The following MTCL2 variants were observed in gnomAD, a reference collection of about 807,000 sequenced individuals.
MTCL2 encodes the protein microtubule cross-linking factor 2.
chr20:36,785,736 G>C, the MTCL2 span: 1 of 985,462 alleles, frequency 1.0e-6, no homozygotes, highest in Non-Finnish European at 1.2e-6. Context: ...GGGAACGTTG[G>C]GGCCCCAAGT....
chr20:36,805,828 G>C, the MTCL2 span: 1 of 1,572,678 alleles, frequency 6.4e-7, no homozygotes, highest in Non-Finnish European at 8.6e-7. Context: ...GACACAACAG[G>C]ACCGGGAAGG....
the MTCL2 span, chr20:36,810,193 TA>T: frequency 6.8e-7 from 1 of 1,468,030 alleles, no homozygotes. Flanking sequence ...ATGACAGTGG[TA>T]GGGGAACGAT....
At chr20:36,803,882 G>A in the MTCL2 span, among the ~76,000 whole-genome samples, 22 of 150,744 alleles carry the variant, frequency 1.5e-4, no homozygotes, top group South Asian at 3.8e-3. Context: ...TCTTGAACCC[G>A]GGAGGCGGAG....
chr20:36,802,929 A>C, the MTCL2 span: 2 of 1,574,240 alleles, frequency 1.3e-6, no homozygotes, highest in South Asian at 1.2e-5. Context: ...CCGCTCCACC[A>C]GCTGCAGCTT....
At chr20:36,849,259 G>A in the MTCL2 span, among the ~76,000 whole-genome samples, 2 of 151,192 alleles carry the variant, frequency 1.3e-5, no homozygotes, top group Non-Finnish European at 2.9e-5. Flanking sequence ...ACGGGGTTTC[G>A]CCTCGTTAGA....
At chr20:36,794,705 A>C in the MTCL2 span, 1 of 1,432,422 alleles carries the variant, frequency 7.0e-7, no homozygotes, top group African/African-American at 1.4e-5. The surrounding 1 kb of genome is among the most constrained non-coding windows in gnomAD (Gnocchi z 5.4). Flanking sequence ...AAAGACCAGG[A>C]CCGTCTTGTT....
the MTCL2 span, among the ~76,000 whole-genome samples, chr20:36,824,702 G>A: frequency 1.3e-5 from 2 of 151,662 alleles, no homozygotes; most frequent in Non-Finnish European, 2.9e-5. Flanking sequence ...ACCCAGGCTG[G>A]AGTACACTGG....
At chr20:36,841,531 C>A in the MTCL2 span, among the ~76,000 whole-genome samples, 3 of 151,944 alleles carry the variant, frequency 2.0e-5, no homozygotes, top group Non-Finnish European at 4.4e-5. Flanking sequence ...TTATTCCAGG[C>A]AGAGGGAACA....
chr20:36,784,349 G>A, the MTCL2 span: 1 of 985,982 alleles, frequency 1.0e-6, no homozygotes, highest in African/African-American at 1.7e-5. Flanking sequence ...GCATGACCCT[G>A]GTGTTCAGCC....
chr20:36,853,974 C>T, the MTCL2 span, among the ~76,000 whole-genome samples: 1 of 152,312 alleles, frequency 6.6e-6, no homozygotes, highest in Non-Finnish European at 1.5e-5. Flanking sequence ...ATCCCCCAAA[C>T]ACCCTCTGGG....
the MTCL2 span, among the ~76,000 whole-genome samples, chr20:36,833,703 T>C: frequency 1.3e-5 from 2 of 152,106 alleles, no homozygotes; most frequent in South Asian, 4.1e-4. Context: ...TTTTTAAAAT[T>C]AGCAGGGCAT....
At chr20:36,842,034 G>A in the MTCL2 span, among the ~76,000 whole-genome samples, 1 of 152,006 alleles carries the variant, frequency 6.6e-6, no homozygotes, top group African/African-American at 2.4e-5. Flanking sequence ...CCTGGCCTGG[G>A]TTTGGGTTTT....
the MTCL2 span, chr20:36,786,398 C>G: frequency 9.1e-6 from 13 of 1,432,276 alleles, no homozygotes; most frequent in Non-Finnish European, 7.3e-6. Context: ...AGGACACAGC[C>G]CCTCGCCTCA....
the MTCL2 span, chr20:36,817,440 G>C: frequency 1.9e-6 from 3 of 1,589,230 alleles, no homozygotes; most frequent in African/African-American, 1.4e-5. Context: ...CCTTCCCCAG[G>C]GAGCGGGTTC....
the MTCL2 span, chr20:36,786,293 C>G: frequency 7.8e-7 from 1 of 1,285,862 alleles, no homozygotes; most frequent in Non-Finnish European, 9.9e-7. Flanking sequence ...AAGCTCACCA[C>G]CCAGGGGCCA....
the MTCL2 span, among the ~76,000 whole-genome samples, chr20:36,818,408 A>G: frequency 2.0e-5 from 3 of 152,250 alleles, no homozygotes; most frequent in Non-Finnish European, 4.4e-5. Flanking sequence ...CCCTGTCTCA[A>G]AGAACAAACA....
the MTCL2 span, chr20:36,829,226 G>A: frequency 6.3e-7 from 1 of 1,597,814 alleles, no homozygotes; most frequent in Non-Finnish European, 8.5e-7. Flanking sequence ...TGCAGGGGTG[G>A]GAGAGAGAAG....
the MTCL2 span, among the ~76,000 whole-genome samples, chr20:36,851,905 C>G: frequency 6.6e-6 from 1 of 152,182 alleles, no homozygotes; most frequent in Admixed American, 6.5e-5. Flanking sequence ...AAAACTACTT[C>G]TAGTCAGCGC....
At chr20:36,850,345 A>G in the MTCL2 span, among the ~76,000 whole-genome samples, 4 of 152,082 alleles carry the variant, frequency 2.6e-5, no homozygotes, top group South Asian at 8.3e-4. Context: ...CCTGGTCAAC[A>G]TGGCGAAACC....
Sources: allele counts gnomAD v4.1 joint callset (sites outside exome capture counted in the v4.1 genomes callset), GRCh38; gene constraint gnomAD v4.1.1; non-coding constraint Gnocchi (gnomAD v3.1); transcripts MANE v1.5; gene names NCBI Gene and HGNC (gene_info 2026-07-23, HGNC 2026-07-21).